Variants in MSRA observed in about 807,000 individuals in gnomAD.
MSRA encodes mitochondrial peptide methionine sulfoxide reductase.
Under a neutral mutation model 31.3 loss-of-function variants are expected in MSRA, and 54 were observed. That is an observed-to-expected ratio of 1.73 (90% confidence interval 1.39 to 2.17). The LOEUF (loss-of-function observed/expected upper bound fraction) is 2.17, where lower values mean the gene tolerates loss of function less well. MSRA is among the 30% of genes most tolerant of loss of function. The probability of loss-of-function intolerance (pLI) is 0.00; values close to 1 mark genes in which losing one functional copy is unlikely to be tolerated. For synonymous variants in MSRA, 169 were observed against 116.5 expected, an observed-to-expected ratio of 1.45 and a Z score of -2.90; for missense variants, 507 against 300.9, an observed-to-expected ratio of 1.69 and a Z score of -5.07.
chr8:10,414,741 C>G, intron 5 of MSRA, among the ~76,000 whole-genome samples: 1 of 152,170 alleles, frequency 6.6e-6, no homozygotes, highest in East Asian at 1.9e-4. Flanking sequence ...CATTTCATCC[C>G]CAAGGTGAAA....
intron 3 of MSRA, among the ~76,000 whole-genome samples, chr8:10,294,649 A>C (rs968806172): frequency 2.6e-5 from 4 of 152,186 alleles, no homozygotes; most frequent in African/African-American, 4.8e-5. Flanking sequence ...GCAATGTGGC[A>C]GTCTATGGCT....
intron 5 of MSRA, among the ~76,000 whole-genome samples, chr8:10,365,626 C>T (rs1805118269): frequency 6.6e-6 from 1 of 152,240 alleles, no homozygotes; most frequent in African/African-American, 2.4e-5. Flanking sequence ...ACAGCAGGAA[C>T]TACTTATAGA....
intron 5 of MSRA, among the ~76,000 whole-genome samples, chr8:10,366,336 C>G (rs1315998810): frequency 6.6e-6 from 1 of 152,226 alleles, no homozygotes; most frequent in Admixed American, 6.5e-5. Context: ...AACTCTGTGC[C>G]ACAGGCAAGC....
At chr8:10,061,092 C>G (rs1802691652) in intron 1 of MSRA, among the ~76,000 whole-genome samples, 2 of 152,166 alleles carry the variant, frequency 1.3e-5, no homozygotes, top group African/African-American at 2.4e-5. Flanking sequence ...TAGTGTTTCC[C>G]TGAAGTCCCT....
intron 5 of MSRA, 79 bp downstream of exon 5, chr8:10,320,068 C>T (rs111950206): frequency 2.1e-5 from 18 of 840,864 alleles, no homozygotes; most frequent in African/African-American, 1.9e-4. Flanking sequence ...GGGCAGTCTG[C>T]TGCTTTTCAA....
intron 1 of MSRA, among the ~76,000 whole-genome samples, chr8:10,073,985 T>C (rs970746517): frequency 1.4e-5 from 2 of 148,064 alleles, no homozygotes; most frequent in Non-Finnish European, 3.0e-5. Context: ...TCTAGGGGAG[T>C]GTTGCTTTCT....
intron 2 of MSRA, among the ~76,000 whole-genome samples, chr8:10,218,914 C>G (rs1810241445): frequency 6.6e-6 from 1 of 152,210 alleles, no homozygotes; most frequent in Non-Finnish European, 1.5e-5. Context: ...AGCAGGCACA[C>G]TGTCAGGTGG....
At chr8:10,169,218 C>T (rs1015273299) in intron 1 of MSRA, among the ~76,000 whole-genome samples, 1 of 152,102 alleles carries the variant, frequency 6.6e-6, no homozygotes, top group Non-Finnish European at 1.5e-5. Flanking sequence ...GTCTAATGGG[C>T]CAGCTGAAGA....
chr8:10,305,311 A>G (rs988847534), intron 4 of MSRA, among the ~76,000 whole-genome samples: 3 of 152,112 alleles, frequency 2.0e-5, no homozygotes, highest in Non-Finnish European at 4.4e-5. Flanking sequence ...CTAAACAGAG[A>G]ACATTCAGCA....
rs938644075 is a variant in MSRA, at chr8:10,148,492, C to T, written c.143-59341C>T. On this transcript the variant is annotated intron_variant, in intron 1 of 5. Coordinates refer to ENST00000317173, the MANE Select transcript of MSRA (RefSeq NM_012331.5). ...TGAAACCCCATCTCTACTAAAAATA[C>T]AAAAATTAGCCAGGCATGGTGGTGC... Among the ~76,000 whole-genome samples, 3 of 151,800 alleles carry T rather than the reference C, an allele frequency of 2.0e-5. No homozygotes were observed. The East Asian group carries it at 5.8e-4, about 29-fold the overall frequency.
intron 5 of MSRA, among the ~76,000 whole-genome samples, chr8:10,412,314 G>A (rs1808206859): frequency 6.6e-6 from 1 of 152,142 alleles, no homozygotes; most frequent in Non-Finnish European, 1.5e-5. Context: ...TCAATTACAA[G>A]GGCCACAGGC....
At chr8:10,424,451 G>A (rs1217621897) in intron 5 of MSRA, among the ~76,000 whole-genome samples, 1 of 151,682 alleles carries the variant, frequency 6.6e-6, no homozygotes, top group African/African-American at 2.4e-5. Flanking sequence ...GAGCAGGAAT[G>A]GGGAGAAGGC....
At chr8:10,340,324 C>G (rs769126024) in intron 5 of MSRA, among the ~76,000 whole-genome samples, 1 of 152,146 alleles carries the variant, frequency 6.6e-6, no homozygotes, top group African/African-American at 2.4e-5. Context: ...AATGTATATC[C>G]GAATTCCACG....
intron 1 of MSRA, among the ~76,000 whole-genome samples, chr8:10,096,831 C>T (rs1418934771): frequency 6.6e-6 from 1 of 151,994 alleles, no homozygotes; most frequent in Non-Finnish European, 1.5e-5. Flanking sequence ...TGTGGATCAC[C>T]CTGATTGTAA....
chr8:10,089,363 T>TC (rs1404788116), intron 1 of MSRA, among the ~76,000 whole-genome samples: 1 of 152,236 alleles, frequency 6.6e-6, no homozygotes, highest in Non-Finnish European at 1.5e-5. Context: ...GTGTTCATTT[T>TC]CACCTCCTCT....
chr8:10,184,437 A>T (rs147016960), intron 1 of MSRA, among the ~76,000 whole-genome samples: 3 of 152,044 alleles, frequency 2.0e-5, no homozygotes. Context: ...CTCTAGATGT[A>T]AAAGGTTTGG....
At chr8:10,072,072 C>T (rs1797760658) in intron 1 of MSRA, among the ~76,000 whole-genome samples, 1 of 17,874 alleles carries the variant, frequency 5.6e-5, no homozygotes, top group Non-Finnish European at 2.8e-4. Context: ...ACAGATAGAG[C>T]AATGAGGTTG....
chr8:10,365,421 G>A (rs1047001199), intron 5 of MSRA, among the ~76,000 whole-genome samples: 3 of 152,246 alleles, frequency 2.0e-5, no homozygotes, highest in East Asian at 1.9e-4. Context: ...TTAAAATAAC[G>A]CCTCCGGAAT....
intron 1 of MSRA, among the ~76,000 whole-genome samples, chr8:10,080,474 C>T (rs1038969182): frequency 5.3e-5 from 8 of 152,070 alleles, no homozygotes; most frequent in Non-Finnish European, 1.0e-4. Flanking sequence ...TGCACATGGG[C>T]CTTGTGCTTT....
Sources: gnomAD v4.1 joint callset for allele counts (sites outside exome capture counted in the v4.1 genomes callset) on GRCh38, gnomAD v4.1.1 for gene constraint, MANE v1.5 for transcripts, NCBI Gene and HGNC (gene_info 2026-07-23, HGNC 2026-07-21) for gene names.